Variants in DAB1 observed in about 807,000 individuals in gnomAD.
DAB1 encodes DAB adaptor protein 1.
Under a neutral mutation model 64.6 loss-of-function variants are expected in DAB1, and 15 were observed. That is an observed-to-expected ratio of 0.23 (90% CI 0.16 to 0.36). The LOEUF (loss-of-function observed/expected upper bound fraction) is 0.36, where lower values mean the gene tolerates loss of function less well. Ranked by LOEUF, DAB1 falls within the 10% of genes least tolerant of loss-of-function variation. The probability of loss-of-function intolerance (pLI) is 1.00; values close to 1 mark genes in which losing one functional copy is unlikely to be tolerated. For synonymous variants in DAB1, 235 were observed against 251.9 expected (o/e 0.93, Z 0.64); for missense variants, 596 against 706.7 (o/e 0.84, Z 1.78).
At chr1:58,183,958 G>T (rs1656933212) in intron 4 of DAB1, among the ~76,000 whole-genome samples, 1 of 150,836 alleles carries the variant, frequency 6.6e-6, no homozygotes, top group Admixed American at 6.6e-5. Context: ...TCAATTATTT[G>T]CCTTAAAGAT....
chr1:58,420,784 A>G (rs1470994675), intron 3 of DAB1, among the ~76,000 whole-genome samples: 4 of 151,966 alleles, frequency 2.6e-5, no homozygotes, highest in East Asian at 1.9e-4. Flanking sequence ...TCTTCCCTCT[A>G]CCTTGGACTT....
At position 57,841,522 on chromosome 1, in the gene DAB1, C is replaced by A. The variant is rs144209409; in HGVS notation, n.88-15067G>T. 1.5e-3 allele frequency among the ~76,000 whole-genome samples: 227 copies of A among 152,322 alleles called. 5 individuals carry two copies. In the South Asian group the frequency reaches 0.039, roughly 26 times the overall value. On this transcript the variant is annotated intron_variant and non_coding_transcript_variant, in intron 1 of 1. Transcript: ENST00000477280. ...CTGCAGCAGACTTCTGCCTGGACAT[C>A]TTGAGGCAAAGGCTCCTAAAGCTCA...
At chr1:58,229,662 C>G (rs1225258570) in intron 4 of DAB1, among the ~76,000 whole-genome samples, 1 of 152,102 alleles carries the variant, frequency 6.6e-6, no homozygotes, top group African/African-American at 2.4e-5. Context: ...AAGGAGAGAA[C>G]GTACTTGCAG....
At chr1:58,127,061 T>A (rs1212689943) in intron 5 of DAB1, among the ~76,000 whole-genome samples, 1 of 150,930 alleles carries the variant, frequency 6.6e-6, no homozygotes, top group Admixed American at 6.6e-5. Context: ...TTGAACTAGT[T>A]TACAGTCCCA....
At chr1:57,406,077 T>C (rs945782593) in intron 1 of DAB1, among the ~76,000 whole-genome samples, 66 of 152,208 alleles carry the variant, frequency 4.3e-4, no homozygotes, top group African/African-American at 1.4e-3. Flanking sequence ...GGACTCCCCA[T>C]ATGTGATGGC....
intron 6 of DAB1, among the ~76,000 whole-genome samples, chr1:57,752,120 A>G (rs1179458733): frequency 1.3e-5 from 2 of 152,220 alleles, no homozygotes; most frequent in African/African-American, 4.8e-5. Flanking sequence ...CGCGGATTCA[A>G]ACCCACAATC....
At chr1:58,063,896 AT>A (rs756251913) in intron 5 of DAB1, among the ~76,000 whole-genome samples, 7 of 152,200 alleles carry the variant, frequency 4.6e-5, no homozygotes, top group Non-Finnish European at 8.8e-5. Context: ...ATAATAACTG[AT>A]TCCCAGTGAG....
At chr1:57,991,864 A>AAC (rs1646346625) in intron 5 of DAB1, among the ~76,000 whole-genome samples, 3 of 149,962 alleles carry the variant, frequency 2.0e-5, no homozygotes, top group African/African-American at 4.9e-5. Context: ...AAAAAAAAAA[A>AAC]AAAAAGGAGT....
At chr1:57,334,205 C>T (rs981189948) in intron 1 of DAB1, among the ~76,000 whole-genome samples, 11 of 152,186 alleles carry the variant, frequency 7.2e-5, no homozygotes, top group East Asian at 1.9e-4. Context: ...GTAATGCTCA[C>T]GGAGGACTTC....
chr1:57,501,182 G>A (rs912752545), intron 7 of DAB1, among the ~76,000 whole-genome samples: 7 of 152,176 alleles, frequency 4.6e-5, no homozygotes, highest in African/African-American at 1.4e-4. Flanking sequence ...GAGCCTAGAC[G>A]TCAAGAGGTC....
At chr1:57,532,555 AT>A (rs1248604183) in intron 7 of DAB1, among the ~76,000 whole-genome samples, 1 of 152,164 alleles carries the variant, frequency 6.6e-6, no homozygotes, top group African/African-American at 2.4e-5. Flanking sequence ...TTCGCAGATA[AT>A]TTTTGAATGA....
intron 3 of DAB1, among the ~76,000 whole-genome samples, chr1:58,420,665 TGG>T (rs1161526628): frequency 6.6e-6 from 1 of 152,202 alleles, no homozygotes; most frequent in Non-Finnish European, 1.5e-5. Context: ...TGTGTGACCT[TGG>T]GTACCTTTAC....
At chr1:57,804,801 T>C (rs1161446207) in intron 6 of DAB1, among the ~76,000 whole-genome samples, 1 of 152,232 alleles carries the variant, frequency 6.6e-6, no homozygotes, top group Non-Finnish European at 1.5e-5. Context: ...ATAATCATCA[T>C]GATAATCATA....
chr1:58,513,783 C>T (rs752786766), intron 2 of DAB1, among the ~76,000 whole-genome samples: 21 of 152,200 alleles, frequency 1.4e-4, no homozygotes, highest in Non-Finnish European at 2.4e-4. Flanking sequence ...ATTTAATCCT[C>T]ATAACAACTT....
intron 1 of DAB1, among the ~76,000 whole-genome samples, chr1:57,328,933 T>C (rs1676412267): frequency 6.6e-6 from 1 of 152,236 alleles, no homozygotes; most frequent in Admixed American, 6.5e-5. Flanking sequence ...TTCGTAGTAG[T>C]ATTAATCTAC....
At chr1:58,152,870 T>C (rs1655018600) in intron 4 of DAB1, among the ~76,000 whole-genome samples, 1 of 152,212 alleles carries the variant, frequency 6.6e-6, no homozygotes, top group South Asian at 2.1e-4. Flanking sequence ...GAAAGAGTTA[T>C]GTACAGGTGA....
intron 6 of DAB1, among the ~76,000 whole-genome samples, chr1:57,666,896 GA>G (rs1312999311): frequency 6.6e-6 from 1 of 150,930 alleles, no homozygotes; most frequent in Non-Finnish European, 1.5e-5. Flanking sequence ...GAGGGAAGGG[GA>G]GGGGGAGAGA....
chr1:57,132,679 C>T (rs1192081756), intron 4 of DAB1, among the ~76,000 whole-genome samples: 1 of 151,978 alleles, frequency 6.6e-6, no homozygotes, highest in Non-Finnish European at 1.5e-5. Flanking sequence ...CACTTCTGGT[C>T]CCAAGCATTT....
At chr1:57,618,618 G>A (rs1162155220) in intron 7 of DAB1, among the ~76,000 whole-genome samples, 2 of 152,138 alleles carry the variant, frequency 1.3e-5, no homozygotes, top group Non-Finnish European at 2.9e-5. Context: ...GTTCTGTGAT[G>A]GGACCAAGTC....
Sources: gnomAD v4.1 joint callset for allele counts (sites outside exome capture counted in the v4.1 genomes callset) on GRCh38, gnomAD v4.1.1 for gene constraint, MANE v1.5 for transcripts, NCBI Gene and HGNC (gene_info 2026-07-23, HGNC 2026-07-21) for gene names.